Variants in RAB3IP observed in about 807,000 individuals in gnomAD.
RAB3IP encodes the protein RAB3A interacting protein.
A neutral mutation model predicts 59.1 loss-of-function variants in RAB3IP; 36 were observed. The ratio of observed to expected loss-of-function variants is 0.61; its 90% confidence interval spans 0.47 to 0.80. The LOEUF (loss-of-function observed/expected upper bound fraction) is 0.80. RAB3IP is among the 30% of genes least tolerant of loss of function. RAB3IP has a pLI of 0.00. For missense variants in RAB3IP, 511 were observed against 536.0 expected (o/e 0.95, Z 0.46); for synonymous variants, 207 against 191.2 (o/e 1.08, Z -0.68).
intron 3 of RAB3IP, among the ~76,000 whole-genome samples, chr12:69,782,283 G>A (rs951000444): frequency 6.6e-6 from 1 of 152,186 alleles, no homozygotes; most frequent in Non-Finnish European, 1.5e-5. Context: ...TCCTGCCTCA[G>A]GCTTCTGAGT....
chr12:69,765,330 T>C (rs1387047418), intron 3 of RAB3IP, among the ~76,000 whole-genome samples: 1 of 152,216 alleles, frequency 6.6e-6, no homozygotes, highest in Non-Finnish European at 1.5e-5. Context: ...CTAATTTCTT[T>C]AGCGTTTTTA....
intron 8 of RAB3IP, chr12:69,811,904 T>C (rs979721326): frequency 3.9e-5 from 6 of 152,222 alleles, no homozygotes; most frequent in African/African-American, 1.2e-4. Context: ...TCATATAAAA[T>C]GCTGTTTGCC....
intron 4 of RAB3IP, among the ~76,000 whole-genome samples, chr12:69,791,141 C>T (rs1212797816): frequency 1.3e-5 from 2 of 152,050 alleles, no homozygotes; most frequent in Non-Finnish European, 2.9e-5. Context: ...TATCCACATG[C>T]AAATGAACGA....
chr12:69,773,339 C>A (rs534525002), intron 3 of RAB3IP, among the ~76,000 whole-genome samples: 158 of 148,050 alleles, frequency 1.1e-3, no homozygotes, highest in African/African-American at 3.8e-3. Context: ...TATTTTTCTT[C>A]AGGTTTTGAA....
chr12:69,739,873 A>C, intron 1 of RAB3IP: 2 of 1,613,964 alleles, frequency 1.2e-6, no homozygotes, highest in Non-Finnish European at 1.7e-6. Context: ...TGAAAGGGTA[A>C]GGTCTTGAAA....
intron 1 of RAB3IP, among the ~76,000 whole-genome samples, chr12:69,748,597 G>A (rs1170025542): frequency 6.6e-6 from 1 of 152,144 alleles, no homozygotes; most frequent in African/African-American, 2.4e-5. Context: ...TTTATTACCT[G>A]GAGCTCAGTA....
intron 8 of RAB3IP, among the ~76,000 whole-genome samples, chr12:69,806,297 G>GTATT (rs1198962567): frequency 3.3e-5 from 5 of 152,188 alleles, no homozygotes; most frequent in Non-Finnish European, 7.3e-5. Flanking sequence ...GGTGTTTATA[G>GTATT]TATTCTCTGA....
rs1053662144 is a variant in RAB3IP at position 69,820,145 on chromosome 12, A to G, written c.*4699A>G. 2 of 152,134 alleles carry G rather than the reference A, an allele frequency of 1.3e-5. No individual in the cohort carries two copies. Among genetic ancestry groups the G allele is most frequent in the Admixed American group, 6.6e-5 (1 of 15,264 alleles). The allele number at this position is 152,134 out of a possible 1,614,324, so 9.4% of individuals were successfully genotyped here. ...CCCTAGATAAAATGTTTTTTCTATA[A>G]GACACTGCTTAAAAGAGTCCAATGC... is the stretch of plus-strand genomic sequence containing the variant. On this transcript the variant is annotated 3_prime_UTR_variant, in exon 11 of 11. Transcript: ENST00000247833.
intron 6 of RAB3IP, among the ~76,000 whole-genome samples, chr12:69,797,152 T>C (rs1877558962): frequency 6.6e-6 from 1 of 152,224 alleles, no homozygotes; most frequent in Admixed American, 6.5e-5. Context: ...AGTTATGACA[T>C]TAGCAACATG....
intron 2 of RAB3IP, 138 bp downstream of exon 2, chr12:69,755,797 A>G: frequency 1.4e-6 from 1 of 697,448 alleles, no homozygotes. Context: ...TGACCTGATA[A>G]TGTTCTAGAA....
chr12:69,795,431 A>G (rs755013660), intron 6 of RAB3IP, 87 bp downstream of exon 6: 26 of 1,061,358 alleles, frequency 2.4e-5, no homozygotes, highest in Non-Finnish European at 5.7e-6. Flanking sequence ...TTTGCCAGCA[A>G]AATTTTTAGT....
intron 3 of RAB3IP, among the ~76,000 whole-genome samples, chr12:69,773,074 GT>G (rs1173126004): frequency 2.0e-5 from 3 of 152,048 alleles, no homozygotes; most frequent in African/African-American, 4.8e-5. Flanking sequence ...TATTCTTGGT[GT>G]TTTTGTTTGT....
At chr12:69,739,456 G>A (rs1474635532) in intron 1 of RAB3IP, 2 of 196,214 alleles carry the variant, frequency 1.0e-5, no homozygotes, top group African/African-American at 2.4e-5. Flanking sequence ...TCGCGAAGAG[G>A]ATGAAGAGAG....
At chr12:69,748,618 C>A (rs1040693715) in intron 1 of RAB3IP, among the ~76,000 whole-genome samples, 6 of 152,142 alleles carry the variant, frequency 3.9e-5, no homozygotes, top group Non-Finnish European at 8.8e-5. Flanking sequence ...ATAAGGCCAG[C>A]CAAGTTGTGT....
At chr12:69,800,091 A>G in intron 6 of RAB3IP, 118 bp from the exon 7 acceptor site, 2 of 746,436 alleles carry the variant, frequency 2.7e-6, no homozygotes, top group Non-Finnish European at 3.9e-6. Context: ...GGTTCAATTT[A>G]TTATTTTAAA....
intron 3 of RAB3IP, among the ~76,000 whole-genome samples, chr12:69,775,928 A>G (rs1873851059): frequency 8.7e-6 from 1 of 115,504 alleles, no homozygotes; most frequent in South Asian, 3.1e-4. Flanking sequence ...GTGGCCTCAT[A>G]AAATGAGTTA....
At chr12:69,781,020 G>A (rs1874610819) in intron 3 of RAB3IP, among the ~76,000 whole-genome samples, 1 of 151,932 alleles carries the variant, frequency 6.6e-6, no homozygotes, top group South Asian at 2.1e-4. Context: ...ATGTACTTGG[G>A]TTTATCCCAG....
intron 1 of RAB3IP, chr12:69,739,851 G>A: frequency 6.2e-7 from 1 of 1,612,016 alleles, no homozygotes; most frequent in South Asian, 1.1e-5. Context: ...GTTGTTATGG[G>A]ATTAAAAAAG....
chr12:69,768,550 C>T (rs2136166629), intron 3 of RAB3IP, among the ~76,000 whole-genome samples: 1 of 152,304 alleles, frequency 6.6e-6, no homozygotes, highest in South Asian at 2.1e-4. Flanking sequence ...CTCTGAATGC[C>T]TGGATTTCTC....
Sources: gnomAD v4.1 joint callset for allele counts (sites outside exome capture counted in the v4.1 genomes callset) on GRCh38, gnomAD v4.1.1 for gene constraint, MANE v1.5 for transcripts, NCBI Gene and HGNC (gene_info 2026-07-23, HGNC 2026-07-21) for gene names.